The following BAHCC1 variants were observed in gnomAD, a reference collection of about 807,000 sequenced individuals.
The protein encoded by BAHCC1 is BAH and coiled-coil domain-containing protein 1.
Under a neutral mutation model 88.2 loss-of-function variants are expected in BAHCC1, and 43 were observed. The ratio of observed to expected loss-of-function variants is 0.49; its 90% CI spans 0.38 to 0.63. The LOEUF is 0.63. BAHCC1 is among the 20% of genes least tolerant of loss of function. The pLI is 0.00. For synonymous variants in BAHCC1, 1,510 were observed against 745.5 expected (o/e 2.03, Z -16.71); for missense variants, 3,023 against 1,654.8 (o/e 1.83, Z -14.34).
At chr17:81,426,661 G>A (rs2064203780) in intron 2 of BAHCC1, 139 bp from the exon 3 acceptor site, 1 of 397,886 alleles carries the variant, frequency 2.5e-6, no homozygotes, top group Non-Finnish European at 4.4e-6. Flanking sequence ...CGGTTTCTTG[G>A]ATATTGAAAG....
Position 81,452,706 on chromosome 17 carries a change from C to A in BAHCC1, c.4317-17C>A. ...GGTTGTGCATGAGCCTCTGACCATC[C>A]CCCCTGCGGCCCCCAGGAGAGACGA... On this transcript the variant is annotated splice_polypyrimidine_tract_variant and intron_variant, in intron 13 of 27. Transcript: ENST00000675386. The A allele has an allele frequency of 1.3e-6, 1 of 741,174 alleles. No individual in the cohort carries two copies. The highest frequency in any genetic ancestry group is 2.7e-5 in the East Asian group (1 of 37,084). The allele number at this position is 741,174 out of a possible 1,614,324, so 45.9% of individuals were successfully genotyped here.
intron 2 of BAHCC1, among the ~76,000 whole-genome samples, chr17:81,415,068 C>T (rs2064002699): frequency 6.9e-6 from 1 of 145,476 alleles, no homozygotes; most frequent in Non-Finnish European, 1.5e-5. Flanking sequence ...CCCTTCCCGC[C>T]CCGGCCCCTC....
chr17:81,414,505 C>T (rs2063994142), intron 2 of BAHCC1, among the ~76,000 whole-genome samples: 1 of 152,216 alleles, frequency 6.6e-6, no homozygotes, highest in Non-Finnish European at 1.5e-5. Context: ...CCCCCTCGGC[C>T]AGCCCCATCT....
chr17:81,412,049 C>T (rs1307764826), intron 2 of BAHCC1, among the ~76,000 whole-genome samples: 1 of 152,262 alleles, frequency 6.6e-6, no homozygotes, highest in Non-Finnish European at 1.5e-5. Context: ...TGGTGACCCC[C>T]AGGAGGCCTG....
intron 4 of BAHCC1, among the ~76,000 whole-genome samples, chr17:81,441,401 G>A (rs539075201): frequency 7.9e-5 from 12 of 152,294 alleles, no homozygotes; most frequent in South Asian, 6.2e-4. Flanking sequence ...TGTGGCTCAC[G>A]CCTGTAATCC....
chr17:81,447,727 G>A lies in BAHCC1; in HGVS notation c.3855G>A (p.Ala1285=), dbSNP rs114281716. The part of the protein sequence containing the change: ...SDSPPDPQPP[A]ASGPPSTVPL... Reference sequence around the variant, plus strand: ...GCCCACCGGACCCTCAGCCCCCAGCGGCCTCTGGGCCCCCCAGCACAGTCC... The same window carrying A: ...GCCCACCGGACCCTCAGCCCCCAGCAGCCTCTGGGCCCCCCAGCACAGTCC... The change falls in exon 11 of 28, where the codon GCG becomes GCA. Residue 1285 remains alanine (A), a synonymous_variant. Transcript: ENST00000675386. The A allele has an allele frequency of 7.6e-4, 558 of 733,796 alleles. No individual in the cohort carries two copies. In the African/African-American group the frequency reaches 8.5e-3, roughly 11 times the overall value. 45.5% of individuals were successfully genotyped at this position (733,796 alleles called of 1,614,324 possible). A position where few individuals can be genotyped will look rare whatever the true frequency, so the allele number is the denominator to read the frequency against.
At chr17:81,436,791 G>A (rs1225083275) in intron 3 of BAHCC1, among the ~76,000 whole-genome samples, 2 of 152,228 alleles carry the variant, frequency 1.3e-5, no homozygotes, top group African/African-American at 4.8e-5. Flanking sequence ...CCCTCCCCAG[G>A]TTCCCAGACT....
chr17:81,423,934 T>C (rs1555649922), intron 2 of BAHCC1, among the ~76,000 whole-genome samples: 2 of 152,046 alleles, frequency 1.3e-5, no homozygotes, highest in Non-Finnish European at 2.9e-5. Context: ...CCAGGAGAAG[T>C]GCGGGGTATC....
chr17:81,431,023 G>T (rs1183385305), intron 3 of BAHCC1, among the ~76,000 whole-genome samples: 1 of 147,994 alleles, frequency 6.8e-6, no homozygotes, highest in Non-Finnish European at 1.5e-5. Flanking sequence ...GGGTCTCGGC[G>T]TGGGGGTGGA....
At position 81,462,678 on chromosome 17, in the gene BAHCC1, G is replaced by A. The variant is rs2030407906; in HGVS notation, c.7384-62G>A. The A allele has an allele frequency of 5.7e-6, 4 of 705,834 alleles. No individual in the cohort carries two copies. In the Admixed American group the frequency reaches 5.8e-5, roughly 10 times the overall value. The allele number at this position is 705,834 out of a possible 1,614,324, so 43.7% of individuals were successfully genotyped here. ...CACACCACACCCTCCATGCCTCCTGGCCGCCACCTGTCCCCACAGCCCCCC... is the reference window on the plus strand; with the variant it reads ...CACACCACACCCTCCATGCCTCCTGACCGCCACCTGTCCCCACAGCCCCCC... On this transcript the variant is annotated intron_variant, in intron 26 of 27. Transcript: ENST00000675386.
chr17:81,456,441 G>C lies in BAHCC1; in HGVS notation c.4714G>C (p.Gly1572Arg), dbSNP rs200506858. Residue 1572 changes from glycine (G) to arginine (R), a missense_variant, in exon 16 of 28, where the codon GGG becomes CGG. By Grantham distance (125) the Gly-to-Arg change is moderately radical (BLOSUM62 -2). Coordinates refer to ENST00000675386, the MANE Select transcript of BAHCC1 (RefSeq NM_001377448.1). Reference sequence around the variant, plus strand: ...TTTCCAGCAGAAGGAGGCTACCCCCGGGGGGCGCATCCGGGAGAAGCTGTC... The same window carrying C: ...TTTCCAGCAGAAGGAGGCTACCCCCCGGGGGCGCATCCGGGAGAAGCTGTC... ...SSFQQKEATP[G>R]GRIREKLSRA... 301 of 722,110 alleles carry C rather than the reference G, an allele frequency of 4.2e-4. No homozygotes were observed. The African/African-American group carries it at 4.7e-3, about 11-fold the overall frequency. The allele number at this position is 722,110 out of a possible 1,614,324, so 44.7% of individuals were successfully genotyped here.
intron 11 of BAHCC1, among the ~76,000 whole-genome samples, chr17:81,450,867 C>T (rs2064620002): frequency 6.6e-6 from 1 of 152,176 alleles, no homozygotes; most frequent in South Asian, 2.1e-4. Context: ...GTGATGGAGC[C>T]ACCACACTCC....
chr17:81,418,280 C>T (rs938236277), intron 2 of BAHCC1, among the ~76,000 whole-genome samples: 2 of 152,192 alleles, frequency 1.3e-5, no homozygotes, highest in African/African-American at 4.8e-5. Flanking sequence ...CAGGACAGCC[C>T]GAGAAACATT....
At chr17:81,455,825 T>G (rs1487319040) in intron 15 of BAHCC1, among the ~76,000 whole-genome samples, 2 of 151,728 alleles carry the variant, frequency 1.3e-5, no homozygotes, top group Non-Finnish European at 2.9e-5. Flanking sequence ...CTTGGCGTGG[T>G]GGGGGCTCTC....
chr17:81,453,651 G>C (rs916646242), intron 14 of BAHCC1, among the ~76,000 whole-genome samples: 1 of 152,098 alleles, frequency 6.6e-6, no homozygotes, highest in Non-Finnish European at 1.5e-5. Context: ...GTCTCCTGGG[G>C]TCTCCCTTTG....
chr17:81,414,847 G>A (rs1389330702), intron 2 of BAHCC1, among the ~76,000 whole-genome samples: 1 of 152,132 alleles, frequency 6.6e-6, no homozygotes, highest in African/African-American at 2.4e-5. Context: ...TCCCCTGATC[G>A]CTGCCACGCT....
rs1555658082 is a variant in BAHCC1 at position 81,458,466 on chromosome 17, G to A, written c.5343G>A (p.Arg1781=). 1 of 706,290 alleles carries A rather than the reference G, an allele frequency of 1.4e-6. No homozygotes were observed. The allele number at this position is 706,290 out of a possible 1,614,324, so 43.8% of individuals were successfully genotyped here. ...RKGTVLQPVL[R]RKNGALSITL... is the part of the protein sequence containing the mutation. ...GCACAGTGCTGCAGCCAGTGCTGCG[G>A]GTGAGGCTGGGCTCTGGGGTGCTGG... is the stretch of plus-strand genomic sequence containing the variant. Residue 1781 remains arginine (R), a splice_region_variant and synonymous_variant, in exon 18 of 28, where the codon CGG becomes CGA. Transcript: ENST00000675386.
intron 15 of BAHCC1, among the ~76,000 whole-genome samples, chr17:81,455,748 C>T (rs1346386590): frequency 1.3e-5 from 2 of 152,090 alleles, no homozygotes; most frequent in East Asian, 1.9e-4. Flanking sequence ...GGGGCTCCTC[C>T]GGCTGCCGGC....
rs368186405 is a variant in BAHCC1, at chr17:81,421,983, G to A, written c.179-4817G>A. ...ACGCTCATGCGAGGGCCTCAGGGCC[G>A]GGGTCTCGGGTGACTCCGCTTCCTC... On this transcript the variant is annotated intron_variant, in intron 2 of 27. Coordinates refer to ENST00000675386, the MANE Select transcript of BAHCC1 (RefSeq NM_001377448.1). The A allele has an allele frequency of 6.7e-4, 261 of 390,542 alleles. 1 individual carries two copies. The highest frequency in any genetic ancestry group is 5.0e-3 in the African/African-American group (233 of 46,556). 24.2% of individuals were successfully genotyped at this position (390,542 alleles called of 1,614,324 possible).
Sources: gnomAD v4.1 joint callset for allele counts (sites outside exome capture counted in the v4.1 genomes callset) on GRCh38, gnomAD v4.1.1 for gene constraint, MANE v1.5 for transcripts, NCBI Gene and HGNC (gene_info 2026-07-23, HGNC 2026-07-21) for gene names.